CEP70: variants seen among roughly 807,000 people sequenced by gnomAD.
CEP70 encodes centrosomal protein 70.
In CEP70, 70 loss-of-function variants were observed where a neutral mutation model predicts 90.9. That is an observed-to-expected ratio of 0.77 (90% CI 0.64 to 0.94). The LOEUF (loss-of-function observed/expected upper bound fraction) is 0.94, where lower values mean the gene tolerates loss of function less well. CEP70 is among the 40% of genes least tolerant of loss of function. CEP70 has a pLI of 0.00. For synonymous variants in CEP70, 220 were observed against 228.3 expected (o/e 0.96, Z 0.33); for missense variants, 648 against 669.0 (o/e 0.97, Z 0.35).
At chr3:138,571,820 C>T (rs186578363) in intron 3 of CEP70, among the ~76,000 whole-genome samples, 229 of 152,292 alleles carry the variant, frequency 1.5e-3, no homozygotes, top group Non-Finnish European at 2.7e-3. Context: ...GCTCTGTCAC[C>T]TAGGCTGGAG....
chr3:138,581,912 G>T (rs1272971612), intron 2 of CEP70, among the ~76,000 whole-genome samples: 1 of 151,920 alleles, frequency 6.6e-6, no homozygotes, highest in African/African-American at 2.4e-5. Context: ...AGCAGAAAGA[G>T]AAAAGAAACA....
chr3:138,562,638 TACAG>T (rs2108063056), intron 6 of CEP70, among the ~76,000 whole-genome samples: 1 of 152,294 alleles, frequency 6.6e-6, no homozygotes, highest in Admixed American at 6.5e-5. Flanking sequence ...TAAAATCCTT[TACAG>T]ACAAACAAAT....
intron 2 of CEP70, among the ~76,000 whole-genome samples, chr3:138,581,510 C>T (rs2041853450): frequency 1.3e-5 from 2 of 151,188 alleles, no homozygotes; most frequent in Non-Finnish European, 3.0e-5. Flanking sequence ...TCAAGACCAG[C>T]CTGGCCAACG....
chr3:138,519,099 G>T (rs1337518817), intron 11 of CEP70, among the ~76,000 whole-genome samples: 1 of 152,106 alleles, frequency 6.6e-6, no homozygotes, highest in African/African-American at 2.4e-5. Context: ...AAGATCAAAT[G>T]AATGAAATGA....
chr3:138,560,903 G>A (rs977956745), intron 6 of CEP70, among the ~76,000 whole-genome samples: 8 of 152,178 alleles, frequency 5.3e-5, no homozygotes, highest in African/African-American at 1.9e-4. Context: ...CCATCTCCCT[G>A]GGACAGAGCA....
At chr3:138,516,135 C>T (rs944986931) in intron 11 of CEP70, among the ~76,000 whole-genome samples, 24 of 152,242 alleles carry the variant, frequency 1.6e-4, no homozygotes, top group Non-Finnish European at 3.1e-4. Flanking sequence ...TATAGCATAT[C>T]GAAATTGTCT....
intron 2 of CEP70, among the ~76,000 whole-genome samples, chr3:138,582,979 A>G (rs1306710994): frequency 6.6e-6 from 1 of 152,158 alleles, no homozygotes; most frequent in African/African-American, 2.4e-5. Context: ...AGAAAACAAC[A>G]AAATGACAGT....
Position 138,532,570 on chromosome 3 carries a change from C to T in CEP70, c.636G>A (p.Gln212=). 6.7e-7 allele frequency: 1 copy of T among 1,490,066 alleles called. No individual in the cohort carries two copies. The allele number at this position is 1,490,066 out of a possible 1,614,324, so 92.3% of individuals were successfully genotyped here. A position where few individuals can be genotyped will look rare whatever the true frequency, so the allele number is the denominator to read the frequency against. ...CATAGTAATCAATTAGACAAAGCAA[C>T]CTAGAAAACAGAATATTGAATTATT... The part of the protein sequence containing the change: ...KRVPHTVLDR[Q]LLCLIDYYES... Residue 212 remains glutamine (Q), a splice_region_variant and synonymous_variant, in exon 8 of 18, where the codon CAG becomes CAA. Transcript: ENST00000264982.
intron 3 of CEP70, 140 bp downstream of exon 3, chr3:138,572,719 C>T (rs2041259803): frequency 1.2e-5 from 8 of 680,230 alleles, no homozygotes; most frequent in Middle Eastern, 3.8e-4. Flanking sequence ...AGTAATTAAA[C>T]CATTTCATAG....
intron 1 of CEP70, chr3:138,593,903 A>C (rs1004018919): frequency 1.3e-5 from 2 of 152,190 alleles, no homozygotes; most frequent in African/African-American, 4.8e-5. Flanking sequence ...TAACCCTCAC[A>C]ACCACCTTGT....
At chr3:138,497,145 C>T (rs2034007844) in intron 17 of CEP70, 1 of 1,098,732 alleles carries the variant, frequency 9.1e-7, no homozygotes, top group East Asian at 7.9e-5. Flanking sequence ...AGCAAGCTCA[C>T]TCATTGTCTC....
intron 8 of CEP70, among the ~76,000 whole-genome samples, chr3:138,530,304 T>A (rs180937469): frequency 1.3e-5 from 2 of 152,334 alleles, no homozygotes; most frequent in East Asian, 3.9e-4. Context: ...ACAACTTTAT[T>A]GTTTAGGACT....
In CEP70 at chr3:138,572,881, T is replaced by C. The variant is rs778491172; in HGVS notation, c.47A>G (p.Asp16Gly). 2 of 1,607,058 alleles carry C rather than the reference T, an allele frequency of 1.2e-6. No individual in the cohort carries two copies. The highest frequency in any genetic ancestry group is 1.7e-4 in the Middle Eastern group (1 of 6,054). ...PKPQDSSQPS[D>G]RLMTEKQQEE... ...TACCTGTTTTTCAGTCATGAGTCTG[T>C]CTGATGGTTGACTGGAATCCTGGGG... The change falls in exon 3 of 18, where the codon GAC becomes GGC. Residue 16 changes from aspartate (D) to glycine (G), a missense_variant. Physicochemically the swap from Asp to Gly is moderately conservative, Grantham distance 94. Transcript: ENST00000264982.
chr3:138,532,874 C>A (rs1009449311), intron 7 of CEP70, among the ~76,000 whole-genome samples: 6 of 152,164 alleles, frequency 3.9e-5, no homozygotes, highest in African/African-American at 1.4e-4. Flanking sequence ...TCAAAGGATG[C>A]AACTCAATAT....
At chr3:138,505,788 G>C (rs560503363) in intron 12 of CEP70, among the ~76,000 whole-genome samples, 91 of 152,264 alleles carry the variant, frequency 6.0e-4, no homozygotes, top group African/African-American at 2.1e-3. Flanking sequence ...AAAGCAGTCA[G>C]GGAGGAGGAG....
At chr3:138,533,686 G>A (rs750265689) in intron 7 of CEP70, among the ~76,000 whole-genome samples, 3 of 152,166 alleles carry the variant, frequency 2.0e-5, no homozygotes, top group Non-Finnish European at 4.4e-5. Context: ...TGTTAGGAGA[G>A]GAGGTTATTT....
chr3:138,540,962 C>G lies in CEP70; in HGVS notation c.466-3615G>C, dbSNP rs114608437. ...TTGCGAGAACATGGATGGAGCTGAA[C>G]GGCATTATCCTTAGCAAACTAATGC... is the stretch of plus-strand genomic sequence containing the variant. On this transcript the variant is annotated intron_variant, in intron 6 of 17. Coordinates refer to ENST00000264982, the MANE Select transcript of CEP70 (RefSeq NM_024491.4). Among the ~76,000 whole-genome samples, 866 of 152,218 alleles carry G rather than the reference C, an allele frequency of 5.7e-3. 8 individuals are homozygous for G. The highest frequency in any genetic ancestry group is 0.02 in the African/African-American group (834 of 41,510).
chr3:138,543,398 C>T (rs1020598053), intron 6 of CEP70, among the ~76,000 whole-genome samples: 6 of 152,196 alleles, frequency 3.9e-5, no homozygotes, highest in African/African-American at 1.4e-4. Context: ...TGGGTCATGA[C>T]AGCACCCGTG....
chr3:138,558,859 G>T (rs1280775680), intron 6 of CEP70, among the ~76,000 whole-genome samples: 1 of 152,028 alleles, frequency 6.6e-6, no homozygotes, highest in Non-Finnish European at 1.5e-5. Flanking sequence ...AAAAACAGCA[G>T]GCTATAAAAA....
Sources: allele counts gnomAD v4.1 joint callset (sites outside exome capture counted in the v4.1 genomes callset), GRCh38; gene constraint gnomAD v4.1.1; transcripts MANE v1.5; gene names NCBI Gene and HGNC (gene_info 2026-07-23, HGNC 2026-07-21).